Variants in EXD3 observed in about 807,000 individuals in gnomAD.
The protein encoded by EXD3 is exonuclease mut-7 homolog.
In EXD3, 92 loss-of-function variants were observed where a neutral mutation model predicts 98.0. The observed-to-expected ratio is 0.94, with a 90% CI of 0.79 to 1.12. The LOEUF (loss-of-function observed/expected upper bound fraction) is 1.12. Ranked by LOEUF, EXD3 falls within the 50% of genes most tolerant of loss-of-function variation. The probability of loss-of-function intolerance (pLI) is 0.00; values close to 1 mark genes in which losing one functional copy is unlikely to be tolerated. For synonymous variants in EXD3, 569 were observed against 526.0 expected, an observed-to-expected ratio of 1.08 and a Z score of -1.12; for missense variants, 1,222 against 1,191.6, an observed-to-expected ratio of 1.03 and a Z score of -0.38.
At chr9:137,322,263 C>T (rs1406546192) in intron 19 of EXD3, among the ~76,000 whole-genome samples, 1 of 152,166 alleles carries the variant, frequency 6.6e-6, no homozygotes, top group Non-Finnish European at 1.5e-5. Context: ...TCCCCAAATC[C>T]AAGCCAATGC....
chr9:137,355,553 G>GAAGGAGA (rs1834651222), intron 8 of EXD3, among the ~76,000 whole-genome samples: 2 of 110,056 alleles, frequency 1.8e-5, no homozygotes, highest in African/African-American at 7.0e-5. Flanking sequence ...GAGGAAGGAG[G>GAAGGAGA]AAGGAGGAAG....
chr9:137,368,730 C>A (rs551358596), intron 5 of EXD3, among the ~76,000 whole-genome samples: 1 of 152,334 alleles, frequency 6.6e-6, no homozygotes, highest in South Asian at 2.1e-4. Context: ...AGCCCCGGTG[C>A]GCAGGGTGGG....
At position 137,389,625 on chromosome 9, in the gene EXD3, C is replaced by T. The variant is rs577615180; in HGVS notation, c.55+5678G>A. Among the ~76,000 whole-genome samples the T allele has an allele frequency of 5.3e-5, 8 of 152,158 alleles. No homozygotes were observed. In the South Asian group the frequency reaches 8.3e-4, roughly 16 times the overall value. On this transcript the variant is annotated intron_variant, in intron 2 of 21. Transcript: ENST00000340951. ...CGCCACTCAGAGACAGTGAGTACGT[C>T]GAGGTGCTGGGACGCTCGGAGCGAG...
At chr9:137,388,740 T>C (rs1339535349) in intron 2 of EXD3, among the ~76,000 whole-genome samples, 1 of 152,084 alleles carries the variant, frequency 6.6e-6, no homozygotes, top group Admixed American at 6.5e-5. Flanking sequence ...GGCTCTCCTC[T>C]TGGGGCCTGG....
chr9:137,307,485 C>T (rs1831106914), intron 21 of EXD3, 123 bp downstream of exon 21: 2 of 1,370,494 alleles, frequency 1.5e-6, no homozygotes, highest in Non-Finnish European at 2.0e-6. Context: ...GCCCTAGGGC[C>T]TACAGGAGCC....
At position 137,351,020 on chromosome 9, in the gene EXD3, G is replaced by A. The variant is rs369631568; in HGVS notation, c.1494+18C>T. Reference sequence around the variant, plus strand: ...CAGGCCCACCCGGCATCTTGTGAGCGGCTCAGTGGGTGCCCACCTGTCTGT... The same window carrying A: ...CAGGCCCACCCGGCATCTTGTGAGCAGCTCAGTGGGTGCCCACCTGTCTGT... On this transcript the variant is annotated intron_variant, in intron 14 of 21. Coordinates refer to ENST00000340951, the MANE Select transcript of EXD3 (RefSeq NM_017820.5). 42 of 1,548,336 alleles carry A rather than the reference G, an allele frequency of 2.7e-5. No individual in the cohort carries two copies. In the South Asian group the frequency reaches 3.9e-4, roughly 14 times the overall value.
intron 3 of EXD3, among the ~76,000 whole-genome samples, chr9:137,378,471 A>G (rs1369238653): frequency 6.6e-6 from 1 of 152,156 alleles, no homozygotes; most frequent in Non-Finnish European, 1.5e-5. Flanking sequence ...TCAGCCTCCT[A>G]AAGTGCTGGG....
chr9:137,317,162 C>T (rs963473893), intron 19 of EXD3, among the ~76,000 whole-genome samples: 4 of 152,088 alleles, frequency 2.6e-5, no homozygotes, highest in Non-Finnish European at 4.4e-5. Context: ...GGCAGCCCTG[C>T]CTCTGTAGCT....
intron 17 of EXD3, among the ~76,000 whole-genome samples, chr9:137,331,962 C>T (rs985812032): frequency 2.0e-5 from 3 of 151,906 alleles, no homozygotes; most frequent in Non-Finnish European, 4.4e-5. Context: ...GAACTCAATC[C>T]TTTTTACAAT....
chr9:137,354,333 A>T lies in EXD3; in HGVS notation c.870+6T>A. The T allele has an allele frequency of 6.2e-7, 1 of 1,612,242 alleles. No homozygotes were observed. Among genetic ancestry groups the T allele is most frequent in the Non-Finnish European group, 8.5e-7 (1 of 1,179,666 alleles). ...TGCCGGCTTACAGGCAAGGGCACGA[A>T]CTCACCTGCACATGGTCGGTCCAGT... On this transcript the variant is annotated splice_donor_region_variant and intron_variant, in intron 10 of 21. Coordinates refer to ENST00000340951, the MANE Select transcript of EXD3 (RefSeq NM_017820.5).
intron 1 of EXD3, among the ~76,000 whole-genome samples, chr9:137,398,664 A>C (rs1234354818): frequency 3.1e-4 from 30 of 96,072 alleles, no homozygotes; most frequent in Admixed American, 7.0e-4. Flanking sequence ...CACACAGGCG[A>C]CCGCGTCCCC....
At position 137,347,797 on chromosome 9, in the gene EXD3, T is replaced by C. The variant is rs970129829; in HGVS notation, c.1998+274A>G. ...TTACACTGGGCCCACCCAAATAAGA[T>C]AGACTCTCTATTTTAAGTTCAACTG... On this transcript the variant is annotated intron_variant, in intron 17 of 21. Transcript: ENST00000340951. This position sits in a 1 kb window ranked among gnomAD's most constrained non-coding sequence, Gnocchi z 4.2. Among the ~76,000 whole-genome samples the C allele has an allele frequency of 7.9e-5, 12 of 152,176 alleles. No individual in the cohort carries two copies. The highest frequency in any genetic ancestry group is 4.8e-5 in the African/African-American group (2 of 41,454).
intron 2 of EXD3, among the ~76,000 whole-genome samples, chr9:137,390,939 C>A (rs9696260): frequency 6.6e-6 from 1 of 152,242 alleles, no homozygotes; most frequent in East Asian, 1.9e-4. Flanking sequence ...GAGGCTGCCA[C>A]AAAGTGCCTG....
chr9:137,358,963 T>C lies in EXD3; in HGVS notation c.657-2595A>G, dbSNP rs148150660. Among the ~76,000 whole-genome samples, 154 of 151,654 alleles carry C rather than the reference T, an allele frequency of 1.0e-3. 1 individual carries two copies. The highest frequency in any genetic ancestry group is 3.1e-3 in the African/African-American group (130 of 41,424). ...ACCTGGCAAGGCCTACTTTTTTTTTTTGAGGCAGAATCTTGCTCTGTCGCC... is the reference window on the plus strand; with the variant it reads ...ACCTGGCAAGGCCTACTTTTTTTTTCTGAGGCAGAATCTTGCTCTGTCGCC... On this transcript the variant is annotated intron_variant, in intron 7 of 21. Transcript: ENST00000340951.
intron 19 of EXD3, among the ~76,000 whole-genome samples, chr9:137,316,576 C>T (rs894137367): frequency 1.3e-5 from 2 of 152,234 alleles, no homozygotes; most frequent in Non-Finnish European, 2.9e-5. Context: ...GGCAGGGCCC[C>T]AGTACTCCCT....
chr9:137,351,353 G>A lies in EXD3; in HGVS notation c.1349C>T (p.Ala450Val). The A allele has an allele frequency of 6.2e-7, 1 of 1,611,938 alleles. No individual in the cohort carries two copies. ...GATAGAGGGGTCCGAGAGGAGCTGGGCCACCAGCCGGGAAAAGGCCTGGGC... is the reference window on the plus strand; with the variant it reads ...GATAGAGGGGTCCGAGAGGAGCTGGACCACCAGCCGGGAAAAGGCCTGGGC... The part of the protein sequence containing the change: ...QGAQAFSRLV[A>V]QLLSDPSITK... Residue 450 changes from alanine (A) to valine (V), a missense_variant, in exon 13 of 22, where the codon GCC becomes GTC. Transcript: ENST00000340951.
chr9:137,351,098 G>A lies in EXD3; in HGVS notation c.1434C>T (p.Ala478=), dbSNP rs534532752. 1.2e-4 allele frequency: 195 copies of A among 1,584,504 alleles called. No individual in the cohort carries two copies. The highest frequency in any genetic ancestry group is 1.4e-4 in the Admixed American group (8 of 55,980). ...DLQKLGTSCP[A]LAHVEKQILG... is the part of the protein sequence containing the mutation. ...GAATCTGCTTCTCCACATGGGCCAG[G>A]GCGGGGCAGGACGTGCCCAGTTTTT... The change falls in exon 14 of 22, where the codon GCC becomes GCT. Residue 478 remains alanine, a synonymous_variant. Transcript: ENST00000340951.
chr9:137,351,642 C>T (rs963997395), intron 12 of EXD3, 114 bp from the exon 13 acceptor site: 16 of 956,768 alleles, frequency 1.7e-5, no homozygotes, highest in South Asian at 1.6e-4. Flanking sequence ...GACGCCCCTG[C>T]ACCCCTGCAT....
intron 3 of EXD3, among the ~76,000 whole-genome samples, chr9:137,382,333 G>C (rs1210571379): frequency 6.6e-6 from 1 of 151,564 alleles, no homozygotes. Flanking sequence ...CAGGACGAAT[G>C]TCAGGACATA....
Sources: gnomAD v4.1 joint callset for allele counts (sites outside exome capture counted in the v4.1 genomes callset) on GRCh38, gnomAD v4.1.1 for gene constraint, Gnocchi (gnomAD v3.1) non-coding constraint, MANE v1.5 for transcripts, NCBI Gene and HGNC (gene_info 2026-07-23, HGNC 2026-07-21) for gene names.